The following CYBA variants were observed in gnomAD, a reference collection of about 807,000 sequenced individuals.
The protein encoded by CYBA is cytochrome b-245 alpha chain, also known as cytochrome b-245 light chain.
CYBA carries 21 observed loss-of-function variants against 20.8 expected under a neutral mutation model. The ratio of observed to expected loss-of-function variants is 1.01; its 90% CI spans 0.72 to 1.46. CYBA has a LOEUF of 1.46. Among genes scored for constraint, CYBA ranks in the 40% most tolerant of loss-of-function variants. The pLI is 0.00. For synonymous variants in CYBA, 164 were observed against 127.5 expected (o/e 1.29, Z -1.93); for missense variants, 344 against 287.0 (o/e 1.20, Z -1.43).
At chr16:88,649,478 C>G (rs1273268996) in intron 1 of CYBA, among the ~76,000 whole-genome samples, 1 of 152,238 alleles carries the variant, frequency 6.6e-6, no homozygotes, top group African/African-American at 2.4e-5. Context: ...AGGACGTATT[C>G]TGGCACCCAG....
At chr16:88,647,642 C>T in intron 2 of CYBA, 1 of 375,868 alleles carries the variant, frequency 2.7e-6, no homozygotes, top group Non-Finnish European at 5.1e-6. Flanking sequence ...TCCCTCCCAC[C>T]ACCCTGCCCA....
At chr16:88,649,123 G>C (rs1486620386) in intron 1 of CYBA, among the ~76,000 whole-genome samples, 1 of 149,748 alleles carries the variant, frequency 6.7e-6, no homozygotes, top group Non-Finnish European at 1.5e-5. Flanking sequence ...ATTTTTAGTA[G>C]AGACGGGGTT....
At chr16:88,645,202 C>T (rs996977396) in intron 5 of CYBA, 4 of 702,342 alleles carry the variant, frequency 5.7e-6, no homozygotes, top group Non-Finnish European at 1.0e-5. Flanking sequence ...GGGGGGGATG[C>T]GGGTGGCCCC....
At chr16:88,650,153 C>T in intron 1 of CYBA, 2 of 344,446 alleles carry the variant, frequency 5.8e-6, no homozygotes, top group South Asian at 4.3e-5. Context: ...CACCCTCAGC[C>T]CCCAGGCCCT....
At chr16:88,650,134 C>T in intron 1 of CYBA, 1 of 330,222 alleles carries the variant, frequency 3.0e-6, no homozygotes, top group South Asian at 2.3e-5. Context: ...GCAGCGGGCC[C>T]CTCCTCCTCA....
At chr16:88,650,035 C>A (rs1466051797) in intron 1 of CYBA, among the ~76,000 whole-genome samples, 2 of 152,164 alleles carry the variant, frequency 1.3e-5, no homozygotes, top group Non-Finnish European at 2.9e-5. Flanking sequence ...GTCCTCCAGC[C>A]CTCCCACCCT....
rs372187837 is a variant in CYBA, at chr16:88,647,169, C to G, written c.135G>C (p.Ala45=). The change falls in exon 3 of 6, where the codon GCG becomes GCC. Residue 45 remains alanine (A), a synonymous_variant. Transcript: ENST00000261623. ...QWYFGAYSIV[A]GVFVCLLEYP... ...ACTCCAGCAGGCACACAAACACGCC[C>G]GCCACACTGAAGCCATGTGGTTAAG... 4 of 1,612,226 alleles carry G rather than the reference C, an allele frequency of 2.5e-6. No individual in the cohort carries two copies. Among genetic ancestry groups the G allele is most frequent in the South Asian group, 1.1e-5 (1 of 91,052 alleles).
intron 1 of CYBA, chr16:88,650,101 C>G: frequency 3.1e-6 from 1 of 319,982 alleles, no homozygotes. Flanking sequence ...AGGGAGGGCG[C>G]TCAGAGCCCC....
Position 88,647,159 on chromosome 16 carries a change from C to T in CYBA, c.145G>A (p.Val49Met). 1 of 1,609,206 alleles carries T rather than the reference C, an allele frequency of 6.2e-7. No individual in the cohort carries two copies. Among genetic ancestry groups the T allele is most frequent in the South Asian group, 1.1e-5 (1 of 90,832 alleles). Residue 49 changes from valine to methionine, a missense_variant, in exon 3 of 6, where the codon GTG (valine) becomes ATG (methionine). Physicochemically the swap from Val to Met is conservative, Grantham distance 21 (BLOSUM62 1). Transcript: ENST00000261623. Reference protein sequence around the residue: ...GAYSIVAGVFVCLLEYPRGKR... With the variant: ...GAYSIVAGVFMCLLEYPRGKR... ...CCCCGGGGGTACTCCAGCAGGCACA[C>T]AAACACGCCCGCCACACTGAAGCCA...
intron 2 of CYBA, 99 bp from the exon 3 acceptor site, chr16:88,647,274 G>T: frequency 8.5e-7 from 1 of 1,172,564 alleles, no homozygotes; most frequent in Non-Finnish European, 1.2e-6. Flanking sequence ...GAGCACGGTG[G>T]CTCATGCCTG....
rs1373271960 is a variant in CYBA at position 88,643,988 on chromosome 16, C to CT, written c.370-418dup. Among the ~76,000 whole-genome samples, 1 of 152,136 alleles carries CT rather than the reference C, an allele frequency of 6.6e-6. No individual in the cohort carries two copies. Among genetic ancestry groups the CT allele is most frequent in the African/African-American group, 2.4e-5 (1 of 41,434 alleles). On this transcript the variant is annotated intron_variant, in intron 5 of 5. Coordinates refer to ENST00000261623, the MANE Select transcript of CYBA (RefSeq NM_000101.4). This position sits in a 1 kb window ranked among gnomAD's most constrained non-coding sequence, Gnocchi z 4.3. ...GTCTGGTGGGCGCCATTCACCCACG[C>CT]TGGCCGGCAGCCCCCCAAGGGTGCC...
rs748620311 is a variant in CYBA at position 88,647,072 on chromosome 16, G to A, written c.203+29C>T. 3 of 1,598,308 alleles carry A rather than the reference G, an allele frequency of 1.9e-6. No individual in the cohort carries two copies. In the East Asian group the frequency reaches 6.7e-5, roughly 36 times the overall value. On this transcript the variant is annotated intron_variant, in intron 3 of 5. Coordinates refer to ENST00000261623, the MANE Select transcript of CYBA (RefSeq NM_000101.4). ...CCCTGCCTGGGCCCCGCAGCCCCCG[G>A]AGAGACCCCAGAGCAGGAGGAGACT...
intron 1 of CYBA, chr16:88,650,182 C>T (rs751177023): frequency 2.5e-4 from 86 of 347,664 alleles, no homozygotes; most frequent in African/African-American, 5.6e-4. Context: ...ACTCCTCCCC[C>T]GGTGCAGGTC....
At chr16:88,645,151 G>A (rs1375904647) in intron 5 of CYBA, 2 of 701,310 alleles carry the variant, frequency 2.9e-6, no homozygotes, top group Admixed American at 2.0e-5. Flanking sequence ...TTCCTCCCGA[G>A]GTCTCCAGGA....
chr16:88,645,448 A>G (rs1907244781), intron 5 of CYBA: 1 of 701,014 alleles, frequency 1.4e-6, no homozygotes. Context: ...AAAAGGATTT[A>G]AATAAGCAAA....
chr16:88,644,318 C>G (rs145001042), intron 5 of CYBA, among the ~76,000 whole-genome samples: 1 of 152,128 alleles, frequency 6.6e-6, no homozygotes, highest in South Asian at 2.1e-4. Flanking sequence ...AAGGCAGGAA[C>G]GTGAAGGCAG....
At chr16:88,645,182 G>T in intron 5 of CYBA, 2 of 702,328 alleles carry the variant, frequency 2.8e-6, no homozygotes, top group Non-Finnish European at 5.2e-6. Context: ...GTGCGTGGCA[G>T]CAGGGAGACG....
At chr16:88,645,472 G>C (rs1375228122) in intron 5 of CYBA, 4 of 697,712 alleles carry the variant, frequency 5.7e-6, no homozygotes, top group African/African-American at 1.8e-5. Context: ...TGAGGGCTCT[G>C]TCCACCCAGA....
At chr16:88,644,957 C>G in intron 5 of CYBA, 1 of 592,952 alleles carries the variant, frequency 1.7e-6, no homozygotes, top group Non-Finnish European at 3.0e-6. Context: ...AGTCCAAGCT[C>G]CACACGGCCA....
Sources: gnomAD v4.1 joint callset for allele counts (sites outside exome capture counted in the v4.1 genomes callset) on GRCh38, gnomAD v4.1.1 for gene constraint, Gnocchi (gnomAD v3.1) non-coding constraint, MANE v1.5 for transcripts, NCBI Gene and HGNC (gene_info 2026-07-23, HGNC 2026-07-21) for gene names.